PCNX1: variants seen among roughly 807,000 people sequenced by gnomAD.
The protein encoded by PCNX1 is pecanex-like protein 1.
PCNX1 carries 78 observed loss-of-function variants against 242.2 expected under a neutral mutation model. The observed-to-expected ratio is 0.32, with a 90% CI of 0.27 to 0.39. The LOEUF is 0.39. Among genes scored for constraint, PCNX1 ranks in the 10% least tolerant of loss-of-function variants. The probability of loss-of-function intolerance (pLI) is 1.00; values close to 1 mark genes in which losing one functional copy is unlikely to be tolerated. For missense variants in PCNX1, 2,581 were observed against 2,856.5 expected, an observed-to-expected ratio of 0.90 and a Z score of 2.20; for synonymous variants, 1,024 against 1,032.9, an observed-to-expected ratio of 0.99 and a Z score of 0.17.
At chr14:70,996,675 G>A (rs1379066448) in intron 8 of PCNX1, among the ~76,000 whole-genome samples, 1 of 152,014 alleles carries the variant, frequency 6.6e-6, no homozygotes, top group Admixed American at 6.6e-5. Flanking sequence ...GTTAGTAATG[G>A]TTTAAGTAAA....
chr14:71,108,356 T>A (rs1244472873), intron 33 of PCNX1, among the ~76,000 whole-genome samples: 10 of 152,240 alleles, frequency 6.6e-5, no homozygotes, highest in Non-Finnish European at 2.9e-5. Context: ...TAATTGTCTT[T>A]CATATGCCAC....
chr14:70,989,846 A>G (rs571780507), intron 7 of PCNX1, among the ~76,000 whole-genome samples: 168 of 152,316 alleles, frequency 1.1e-3, no homozygotes, highest in African/African-American at 4.0e-3. Flanking sequence ...AAATGGATAT[A>G]CATACTTTAC....
At chr14:70,968,972 A>G (rs147990731) in intron 4 of PCNX1, 49 bp from the exon 5 acceptor site, 1 of 1,041,416 alleles carries the variant, frequency 9.6e-7, no homozygotes, top group Admixed American at 1.7e-5. Context: ...GCCACCCTAC[A>G]GCCTTACTGT....
At position 71,026,105 on chromosome 14, in the gene PCNX1, T is replaced by G; in HGVS notation, c.3184-12T>G. The stretch of plus-strand genomic sequence containing the variant: ...ATTAACCAAACTGACTTTTAAAAAA[T>G]ATCATTTTCAGGGTCATAATCGTAT... On this transcript the variant is annotated splice_polypyrimidine_tract_variant and intron_variant, in intron 13 of 35. Coordinates refer to ENST00000304743, the MANE Select transcript of PCNX1 (RefSeq NM_014982.3). The G allele has an allele frequency of 6.6e-7, 1 of 1,516,844 alleles. No individual in the cohort carries two copies. The highest frequency in any genetic ancestry group is 8.9e-7 in the Non-Finnish European group (1 of 1,121,650). 94.0% of individuals were successfully genotyped at this position (1,516,844 alleles called of 1,614,324 possible). A position where few individuals can be genotyped will look rare whatever the true frequency, so the allele number is the denominator to read the frequency against.
In PCNX1 at chr14:70,978,129, C is replaced by T. The variant is rs1377365286; in HGVS notation, c.1792C>T (p.His598Tyr). The change falls in exon 6 of 36, where the codon CAT becomes TAT. Residue 598 changes from histidine (H) to tyrosine (Y), a missense_variant. Physicochemically the swap from His to Tyr is moderately conservative, Grantham distance 83. This residue lies in a region of PCNX1 where 1,204 missense variants were observed against 1,216.7 expected (regional missense o/e 0.99). Coordinates refer to ENST00000304743, the MANE Select transcript of PCNX1 (RefSeq NM_014982.3). ...GTKPHSAIFC[H>Y]DEDSSDQSDL... The stretch of plus-strand genomic sequence containing the variant: ...CAAGCCACACAGTGCTATATTTTGT[C>T]ATGACGAAGACTCTAGTGATCAGAG... 2.5e-6 allele frequency: 4 copies of T among 1,614,004 alleles called. No individual in the cohort carries two copies. The Admixed American group carries it at 6.7e-5, about 27-fold the overall frequency.
chr14:71,103,748 G>A, intron 32 of PCNX1, 79 bp downstream of exon 32: 1 of 1,399,858 alleles, frequency 7.1e-7, no homozygotes, highest in Non-Finnish European at 9.8e-7. Flanking sequence ...CACCTGGGAA[G>A]CTTGTAGAAA....
At chr14:71,058,130 G>T (rs532401872) in intron 26 of PCNX1, among the ~76,000 whole-genome samples, 2 of 152,222 alleles carry the variant, frequency 1.3e-5, no homozygotes, top group East Asian at 3.9e-4. Flanking sequence ...CCATGCCTTT[G>T]TCTTCCAACA....
At chr14:71,076,461 T>C (rs556221754) in intron 28 of PCNX1, 42 bp downstream of exon 28, 1 of 1,312,970 alleles carries the variant, frequency 7.6e-7, no homozygotes, top group Non-Finnish European at 1.1e-6. Context: ...TCCAGGTTTT[T>C]CCAAAGATGC....
intron 6 of PCNX1, among the ~76,000 whole-genome samples, chr14:70,984,356 ATTTC>A (rs2140199118): frequency 6.6e-6 from 1 of 151,360 alleles, no homozygotes; most frequent in Non-Finnish European, 1.5e-5. Context: ...ATTACATATT[ATTTC>A]TTTCATAAAT....
At position 70,958,046 on chromosome 14, in the gene PCNX1, C is replaced by T. The variant is rs554334389; in HGVS notation, c.363-4180C>T. The stretch of plus-strand genomic sequence containing the variant: ...TGGTGATAGTGCCTCTATATACATA[C>T]TTAAAGTTTTTCCAATTTAGAAAAA... On this transcript the variant is annotated intron_variant, in intron 2 of 35. Transcript: ENST00000304743. Among the ~76,000 whole-genome samples, 239 of 148,354 alleles carry T rather than the reference C, an allele frequency of 1.6e-3. 1 individual carries two copies. Among genetic ancestry groups the T allele is most frequent in the African/African-American group, 3.0e-3 (115 of 38,786 alleles).
At chr14:70,923,638 C>T (rs2056463828) in intron 1 of PCNX1, among the ~76,000 whole-genome samples, 1 of 152,204 alleles carries the variant, frequency 6.6e-6, no homozygotes, top group Admixed American at 6.5e-5. Flanking sequence ...CTCTCCCCTA[C>T]CATACTAGTG....
intron 2 of PCNX1, among the ~76,000 whole-genome samples, chr14:70,961,109 C>A (rs996437107): frequency 1.3e-5 from 2 of 152,138 alleles, no homozygotes; most frequent in Non-Finnish European, 2.9e-5. Flanking sequence ...TTTATAGATT[C>A]AATGCCATCC....
At chr14:70,982,168 A>G (rs1333226763) in intron 6 of PCNX1, among the ~76,000 whole-genome samples, 2 of 152,220 alleles carry the variant, frequency 1.3e-5, no homozygotes, top group South Asian at 4.1e-4. Context: ...TGAGCATTAG[A>G]CAGAAGATAA....
chr14:71,005,741 TTAAG>T (rs1210309628), intron 8 of PCNX1, among the ~76,000 whole-genome samples: 2 of 152,178 alleles, frequency 1.3e-5, no homozygotes, highest in African/African-American at 4.8e-5. Context: ...ATCCTTGGTG[TTAAG>T]TGAGTATCCA....
chr14:70,992,301 A>G (rs2059188961), intron 7 of PCNX1, among the ~76,000 whole-genome samples: 3 of 152,166 alleles, frequency 2.0e-5, no homozygotes, highest in Admixed American at 2.0e-4. Flanking sequence ...GTATTCTTAA[A>G]ATTTATTTTT....
chr14:71,057,647 A>G lies in PCNX1; in HGVS notation c.4775A>G (p.Tyr1592Cys), dbSNP rs749513555. 2.5e-5 allele frequency: 40 copies of G among 1,613,872 alleles called. 1 individual carries two copies. Among genetic ancestry groups the G allele is most frequent in the South Asian group, 1.1e-5 (1 of 91,084 alleles). ...GACTGTTTCATCCTTGCCTCTGACTATCTCAATGCATTAGTACACCTTATA... is the reference window on the plus strand; with the variant it reads ...GACTGTTTCATCCTTGCCTCTGACTGTCTCAATGCATTAGTACACCTTATA... ...TGDCFILASDYLNALVHLIEI... is the reference protein window; with the variant it reads ...TGDCFILASDCLNALVHLIEI... Residue 1592 changes from tyrosine (Y) to cysteine (C), a missense_variant, in exon 26 of 36, where the codon TAT (tyrosine) becomes TGT (cysteine). Tyr to Cys is a radical substitution (Grantham distance 194, BLOSUM62 -2). This residue lies in a region of PCNX1 where 54 missense variants were observed against 45.3 expected (regional missense o/e 1.19). Transcript: ENST00000304743.
chr14:70,977,141 T>C lies in PCNX1; in HGVS notation c.804T>C (p.Pro268=), dbSNP rs763533196. The C allele has an allele frequency of 1.9e-6, 3 of 1,614,188 alleles. No homozygotes were observed. The East Asian group carries it at 6.7e-5, about 36-fold the overall frequency. The change falls in exon 6 of 36, where the codon CCT becomes CCC. Residue 268 remains proline, a synonymous_variant. Transcript: ENST00000304743. ...ACDTEVASLV[P]LHSHSYRKDH... is the part of the protein sequence containing the mutation. ...ACACAGAAGTAGCTTCTCTTGTACC[T>C]TTACACTCACACTCTTATAGAAAAG...
At chr14:71,048,834 C>G (rs147770407) in intron 22 of PCNX1, among the ~76,000 whole-genome samples, 1 of 152,028 alleles carries the variant, frequency 6.6e-6, no homozygotes, top group East Asian at 1.9e-4. Flanking sequence ...GTAGTCTGAT[C>G]TAGGATGGGG....
At chr14:71,076,973 A>G (rs1205680511) in intron 28 of PCNX1, among the ~76,000 whole-genome samples, 1 of 152,204 alleles carries the variant, frequency 6.6e-6, no homozygotes, top group Non-Finnish European at 1.5e-5. Flanking sequence ...TGACTACCAT[A>G]TTAGACAGTG....
Sources: gnomAD v4.1 joint callset for allele counts (sites outside exome capture counted in the v4.1 genomes callset) on GRCh38, gnomAD v4.1.1 for gene constraint, gnomAD v4.1.1 regional missense constraint, MANE v1.5 for transcripts, NCBI Gene and HGNC (gene_info 2026-07-23, HGNC 2026-07-21) for gene names.